ABCB11: variants seen among roughly 807,000 people sequenced by gnomAD.
ABCB11 encodes the protein bile salt export pump.
A neutral mutation model predicts 148.0 loss-of-function variants in ABCB11; 95 were observed. The ratio of observed to expected loss-of-function variants is 0.64; its 90% CI spans 0.54 to 0.76. The LOEUF (loss-of-function observed/expected upper bound fraction) is 0.76, where lower values mean the gene tolerates loss of function less well. Among genes scored for constraint, ABCB11 ranks in the 30% least tolerant of loss-of-function variants. The pLI is 0.00. For missense variants in ABCB11, 1,523 were observed against 1,617.8 expected (o/e 0.94, Z 1.01); for synonymous variants, 591 against 555.4 (o/e 1.06, Z -0.90).
At chr2:169,003,348 GCA>G (rs1491583851) in intron 5 of ABCB11, among the ~76,000 whole-genome samples, 181 of 144,486 alleles carry the variant, frequency 1.3e-3, no homozygotes, top group Middle Eastern at 0.011. Flanking sequence ...GTGTGTGTGT[GCA>G]TATATATATA....
chr2:169,022,445 G>T (rs1418210645), intron 1 of ABCB11, among the ~76,000 whole-genome samples: 1 of 151,862 alleles, frequency 6.6e-6, no homozygotes, highest in East Asian at 1.9e-4. Context: ...TAGTAAATTT[G>T]AAAACCAGGT....
At chr2:168,915,404 C>T (rs147952501), downstream of ABCB11, among the ~76,000 whole-genome samples, 1,149 of 152,228 alleles carry the variant, frequency 7.5e-3, 7 homozygotes, top group Middle Eastern at 0.02. Context: ...TTTCTTTATA[C>T]TTACATTTCA....
In ABCB11 at chr2:168,922,119, G is replaced by C. The variant is rs1691097081; in HGVS notation, c.*1503C>G. ...CCGCCTTGGCCTCCCAAAGTGCTGG[G>C]ATTACAGGAGTGAGCCACAGCGCCT... On this transcript the variant is annotated 3_prime_UTR_variant, in exon 28 of 28. Transcript: ENST00000650372. Among the ~76,000 whole-genome samples, 1 of 152,060 alleles carries C rather than the reference G, an allele frequency of 6.6e-6. No homozygotes were observed. The highest frequency in any genetic ancestry group is 6.6e-5 in the Admixed American group (1 of 15,262).
At chr2:168,916,955 G>T (rs1690952371), downstream of ABCB11, among the ~76,000 whole-genome samples, 1 of 152,122 alleles carries the variant, frequency 6.6e-6, no homozygotes, top group South Asian at 2.1e-4. Context: ...CTTACGATAA[G>T]AAACTGATAT....
chr2:169,005,389 G>A (rs1017306609), intron 5 of ABCB11, among the ~76,000 whole-genome samples: 1 of 152,044 alleles, frequency 6.6e-6, no homozygotes, highest in Admixed American at 6.6e-5. Flanking sequence ...GTGGGGGATG[G>A]GGGTGTGGTT....
intron 5 of ABCB11, among the ~76,000 whole-genome samples, chr2:169,002,695 A>G (rs1271206962): frequency 6.6e-6 from 1 of 152,196 alleles, no homozygotes; most frequent in African/African-American, 2.4e-5. Context: ...AGACAAATAC[A>G]GTGTAATCTC....
Position 168,933,066 on chromosome 2 carries a change from G to A in ABCB11, c.3057-533C>T, listed in dbSNP as rs569963107. Among the ~76,000 whole-genome samples, 454 of 145,958 alleles carry A rather than the reference G, an allele frequency of 3.1e-3. 3 individuals carry two copies. The highest frequency in any genetic ancestry group is 0.011 in the African/African-American group (426 of 39,562). On this transcript the variant is annotated intron_variant, in intron 23 of 27. Coordinates refer to ENST00000650372, the MANE Select transcript of ABCB11 (RefSeq NM_003742.4). ...AGAGCTTGCAGTGAGCCAAGATCGC[G>A]CCACTGCACTCCAGCCTGGGTGACA...
At chr2:168,943,430 C>T (rs957147089) in intron 21 of ABCB11, among the ~76,000 whole-genome samples, 1 of 151,824 alleles carries the variant, frequency 6.6e-6, no homozygotes, top group African/African-American at 2.4e-5. Flanking sequence ...GGAGAAAAAC[C>T]TAGGGGAAAA....
chr2:168,930,553 C>A, intron 25 of ABCB11, 112 bp downstream of exon 25: 2 of 834,942 alleles, frequency 2.4e-6, no homozygotes, highest in East Asian at 3.0e-5. Context: ...GGGTAAGTGC[C>A]TTAGGCAAGC....
chr2:168,933,635 C>T (rs948223660), intron 23 of ABCB11, among the ~76,000 whole-genome samples: 9 of 152,126 alleles, frequency 5.9e-5, no homozygotes, highest in African/African-American at 2.2e-4. Context: ...CCCGGGAGCC[C>T]AGTTTAAAGC....
chr2:168,965,474 A>G (rs73018736), intron 17 of ABCB11, among the ~76,000 whole-genome samples: 2,840 of 151,838 alleles, frequency 0.019, 95 homozygotes, highest in African/African-American at 0.064. Flanking sequence ...GAGAGAAACT[A>G]TTTTCTAGCT....
intron 17 of ABCB11, among the ~76,000 whole-genome samples, chr2:168,967,239 A>C (rs4667589): frequency 1.3e-5 from 2 of 151,912 alleles, no homozygotes; most frequent in South Asian, 4.1e-4. Flanking sequence ...ATTGTTTTAT[A>C]CCTTTTACAT....
intron 19 of ABCB11, among the ~76,000 whole-genome samples, chr2:168,949,920 C>G (rs928516855): frequency 6.6e-6 from 1 of 151,380 alleles, no homozygotes; most frequent in Non-Finnish European, 1.5e-5. Context: ...CAAGACTGGC[C>G]TAGCCTCCCA....
At position 169,013,796 on chromosome 2, in the gene ABCB11, A is replaced by G. The variant is rs35849398; in HGVS notation, c.151-286T>C. On this transcript the variant is annotated intron_variant, in intron 4 of 27. Coordinates refer to ENST00000650372, the MANE Select transcript of ABCB11 (RefSeq NM_003742.4). Reference sequence around the variant, plus strand: ...CAGGAGCTGACTTTCGTTTTTAGCTACTCATCTACAACTTAGGGGAAAATA... The same window carrying G: ...CAGGAGCTGACTTTCGTTTTTAGCTGCTCATCTACAACTTAGGGGAAAATA... Among the ~76,000 whole-genome samples, 880 of 152,260 alleles carry G rather than the reference A, an allele frequency of 5.8e-3. 13 individuals carry two copies. The highest frequency in any genetic ancestry group is 0.02 in the African/African-American group (835 of 41,542).
chr2:168,919,440 G>A (rs569546521), downstream of ABCB11, among the ~76,000 whole-genome samples: 2 of 152,030 alleles, frequency 1.3e-5, no homozygotes, highest in South Asian at 4.2e-4. Flanking sequence ...GTTTTTCTGG[G>A]GGACATTCCT....
chr2:168,956,611 G>A (rs377318879), intron 19 of ABCB11, among the ~76,000 whole-genome samples: 2 of 151,528 alleles, frequency 1.3e-5, no homozygotes, highest in South Asian at 2.1e-4. Flanking sequence ...GGATCCTCCC[G>A]GGGGTGATGG....
At chr2:168,985,788 A>T (rs1694298454) in intron 10 of ABCB11, among the ~76,000 whole-genome samples, 1 of 152,052 alleles carries the variant, frequency 6.6e-6, no homozygotes, top group African/African-American at 2.4e-5. Flanking sequence ...TTGGGGACTC[A>T]GCGGAAAAGG....
At chr2:168,932,101 C>T (rs766110691) in intron 24 of ABCB11, among the ~76,000 whole-genome samples, 2 of 152,098 alleles carry the variant, frequency 1.3e-5, no homozygotes, top group African/African-American at 2.4e-5. Flanking sequence ...TGGTTTGCTG[C>T]ACCCATCAAC....
chr2:168,993,451 T>C (rs572162304), intron 8 of ABCB11, among the ~76,000 whole-genome samples: 1 of 152,186 alleles, frequency 6.6e-6, no homozygotes, highest in South Asian at 2.1e-4. Context: ...ACTATTAAGC[T>C]CCTAGTAGTG....
Sources: gnomAD v4.1 joint callset for allele counts (sites outside exome capture counted in the v4.1 genomes callset) on GRCh38, gnomAD v4.1.1 for gene constraint, MANE v1.5 for transcripts, NCBI Gene and HGNC (gene_info 2026-07-23, HGNC 2026-07-21) for gene names.